The following OXTR variants were observed in gnomAD, a reference collection of about 807,000 sequenced individuals.
OXTR encodes oxytocin receptor.
In OXTR, 19 loss-of-function variants were observed where a neutral mutation model predicts 23.9. The ratio of observed to expected loss-of-function variants is 0.80; its 90% CI spans 0.56 to 1.17. OXTR has a LOEUF of 1.17. Ranked by LOEUF, OXTR falls within the 50% of genes most tolerant of loss-of-function variation. The pLI is 0.00. For synonymous variants in OXTR, 278 were observed against 250.5 expected, an observed-to-expected ratio of 1.11 and a Z score of -1.04; for missense variants, 500 against 550.7, an observed-to-expected ratio of 0.91 and a Z score of 0.92.
chr3:8,747,236 G>C (rs1333610932), downstream of OXTR, among the ~76,000 whole-genome samples: 1 of 152,072 alleles, frequency 6.6e-6, no homozygotes, highest in African/African-American at 2.4e-5. Context: ...CTTGGTTCTA[G>C]TCCTGCTTCC....
At position 8,753,203 on chromosome 3, in the gene OXTR, A is replaced by C. The variant is rs1708307199; in HGVS notation, c.944T>G (p.Met315Arg). The change falls in exon 4 of 4, where the codon ATG becomes AGG. Residue 315 changes from methionine to arginine, a missense_variant. Met to Arg is a moderately conservative substitution (Grantham distance 91). Coordinates refer to ENST00000316793, the MANE Select transcript of OXTR (RefSeq NM_000916.4). ...GCAGCTGTTGAGGCTGGCCAGGAGCATGACGATGATGAAGGCCGAGGCTGA... is the reference window on the plus strand; with the variant it reads ...GCAGCTGTTGAGGCTGGCCAGGAGCCTGACGATGATGAAGGCCGAGGCTGA... ...PKEASAFIIV[M>R]LLASLNSCCN... is the part of the protein sequence containing the mutation. The C allele has an allele frequency of 6.2e-7, 1 of 1,613,976 alleles. No homozygotes were observed. The highest frequency in any genetic ancestry group is 1.3e-5 in the African/African-American group (1 of 74,894).
downstream of OXTR, chr3:8,745,574 G>T (rs774007619): frequency 6.2e-7 from 1 of 1,614,172 alleles, no homozygotes. This position sits in a 1 kb window ranked among gnomAD's most constrained non-coding sequence, Gnocchi z 4.8. Context: ...CTACAGCTTT[G>T]ACGGCGTGTG....
chr3:8,748,621 C>T (rs1404515033), downstream of OXTR, among the ~76,000 whole-genome samples: 1 of 152,204 alleles, frequency 6.6e-6, no homozygotes, highest in Non-Finnish European at 1.5e-5. Context: ...TATCAAGCAG[C>T]TAATGAAGCA....
chr3:8,761,506 A>AGGGGTT (rs1156701125), intron 3 of OXTR, among the ~76,000 whole-genome samples: 2 of 152,044 alleles, frequency 1.3e-5, no homozygotes, highest in East Asian at 3.9e-4. Flanking sequence ...CTGGGGCGGC[A>AGGGGTT]GGGGTTGGGG....
chr3:8,764,840 G>A (rs115356575), intron 3 of OXTR, among the ~76,000 whole-genome samples: 1,865 of 152,294 alleles, frequency 0.012, 28 homozygotes, highest in Middle Eastern at 0.034. Context: ...AATCCCTGCC[G>A]GTCTGTGTTT....
the OXTR span, among the ~76,000 whole-genome samples, chr3:8,742,075 T>C: frequency 6.6e-6 from 1 of 152,062 alleles, no homozygotes; most frequent in Non-Finnish European, 1.5e-5. Context: ...TGGAAAGGAA[T>C]TAAGAAATGA....
downstream of OXTR, chr3:8,746,772 C>T (rs1708174934): frequency 6.6e-6 from 1 of 151,912 alleles, no homozygotes. Flanking sequence ...TGTATCACTT[C>T]CTCCCTCCTC....
downstream of OXTR, among the ~76,000 whole-genome samples, chr3:8,748,351 C>T (rs770511638): frequency 1.4e-4 from 22 of 152,226 alleles, no homozygotes; most frequent in Non-Finnish European, 2.2e-4. Flanking sequence ...GGACATCATA[C>T]ATGATGTTTG....
In OXTR at chr3:8,768,097, G is replaced by A. The variant is rs761598751; in HGVS notation, c.91C>T (p.Pro31Ser). The change falls in exon 3 of 4, where the codon CCC becomes TCC. Residue 31 changes from proline to serine, a missense_variant. Pro to Ser is a moderately conservative substitution (Grantham distance 74). Transcript: ENST00000316793. This position sits in a 1 kb window ranked among gnomAD's most constrained non-coding sequence, Gnocchi z 5.4. Reference protein sequence around the residue: ...PGAEGNRTAGPPRRNEALARV... With the variant: ...PGAEGNRTAGSPRRNEALARV... ...GCCAGGGCCTCGTTGCGCCGCGGGG[G>A]TCCGGCGGTGCGGTTGCCCTCGGCC... 11 of 1,439,712 alleles carry A rather than the reference G, an allele frequency of 7.6e-6. No homozygotes were observed. The East Asian group carries it at 1.2e-4, about 16-fold the overall frequency. The allele number at this position is 1,439,712 out of a possible 1,614,324, so 89.2% of individuals were successfully genotyped here.
downstream of OXTR, among the ~76,000 whole-genome samples, chr3:8,747,942 C>T (rs1282961965): frequency 6.6e-6 from 1 of 152,202 alleles, no homozygotes; most frequent in Admixed American, 6.5e-5. Flanking sequence ...TAATTAGCCA[C>T]AAAGTTCACA....
chr3:8,744,556 C>T, the OXTR span, among the ~76,000 whole-genome samples: 1 of 148,842 alleles, frequency 6.7e-6, no homozygotes, highest in Admixed American at 6.8e-5. Flanking sequence ...CACTGGAAGA[C>T]GTTCATTGAC....
At chr3:8,747,237 T>C (rs1377975787), downstream of OXTR, among the ~76,000 whole-genome samples, 2 of 152,172 alleles carry the variant, frequency 1.3e-5, no homozygotes, top group East Asian at 1.9e-4. Context: ...TTGGTTCTAG[T>C]CCTGCTTCCG....
the OXTR span, among the ~76,000 whole-genome samples, chr3:8,741,639 C>T: frequency 5.1e-3 from 773 of 152,266 alleles, 7 homozygotes; most frequent in African/African-American, 0.017. Context: ...GATACTGGGA[C>T]CATATACCTC....
In OXTR at chr3:8,757,778, C is replaced by T. The variant is rs546585788; in HGVS notation, c.923-4554G>A. The stretch of plus-strand genomic sequence containing the variant: ...CTGTCCACCCGGACTCCGCGGGGGC[C>T]GCTGGCCTCACACTTACGGCATTTC... On this transcript the variant is annotated intron_variant, in intron 3 of 3. Coordinates refer to ENST00000316793, the MANE Select transcript of OXTR (RefSeq NM_000916.4). 5.3e-5 allele frequency among the ~76,000 whole-genome samples: 8 copies of T among 152,140 alleles called. No individual in the cohort carries two copies. In the East Asian group the frequency reaches 5.8e-4, roughly 11 times the overall value.
intron 3 of OXTR, among the ~76,000 whole-genome samples, chr3:8,754,413 G>A (rs1269346721): frequency 6.6e-6 from 1 of 152,202 alleles, no homozygotes; most frequent in African/African-American, 2.4e-5. Context: ...TAAGAATTCT[G>A]TTCAGCCACC....
chr3:8,744,866 G>C, the OXTR span: 1 of 152,798 alleles, frequency 6.5e-6, no homozygotes, highest in East Asian at 1.9e-4. Flanking sequence ...GGGGTTGAAC[G>C]AGCGTGTTGT....
chr3:8,759,136 T>C (rs560720610), intron 3 of OXTR, among the ~76,000 whole-genome samples: 22 of 152,286 alleles, frequency 1.4e-4, no homozygotes, highest in African/African-American at 5.3e-4. Context: ...ATCGTATAGA[T>C]AGGAAAGAAG....
chr3:8,753,967 G>A (rs1708323451), intron 3 of OXTR, among the ~76,000 whole-genome samples: 1 of 152,166 alleles, frequency 6.6e-6, no homozygotes, highest in Non-Finnish European at 1.5e-5. Context: ...GGCAGAGCAG[G>A]GAAGAAATGT....
At chr3:8,757,434 A>G (rs1324449221) in intron 3 of OXTR, among the ~76,000 whole-genome samples, 4 of 148,994 alleles carry the variant, frequency 2.7e-5, no homozygotes, top group Admixed American at 6.7e-5. Flanking sequence ...TCAAAAGTTA[A>G]AAAAAAAAAC....
Sources: gnomAD v4.1 joint callset for allele counts (sites outside exome capture counted in the v4.1 genomes callset) on GRCh38, gnomAD v4.1.1 for gene constraint, Gnocchi (gnomAD v3.1) non-coding constraint, MANE v1.5 for transcripts, NCBI Gene and HGNC (gene_info 2026-07-23, HGNC 2026-07-21) for gene names.